AGPAT5: variants seen among roughly 807,000 people sequenced by gnomAD.
The protein encoded by AGPAT5 is 1-acyl-sn-glycerol-3-phosphate acyltransferase epsilon.
A neutral mutation model predicts 45.6 loss-of-function variants in AGPAT5; 46 were observed. The observed-to-expected ratio is 1.01, with a 90% CI of 0.80 to 1.29. The LOEUF is 1.29. AGPAT5 is among the 50% of genes most tolerant of loss of function. The pLI, the probability that AGPAT5 is intolerant of heterozygous loss-of-function variation, is 0.00. For synonymous variants in AGPAT5, 272 were observed against 167.0 expected (o/e 1.63, Z -4.85); for missense variants, 673 against 450.7 (o/e 1.49, Z -4.47).
At chr8:6,742,867 A>G (rs1292968151) in intron 5 of AGPAT5, among the ~76,000 whole-genome samples, 1 of 152,174 alleles carries the variant, frequency 6.6e-6, no homozygotes, top group East Asian at 1.9e-4. Context: ...CCCATCTGCC[A>G]GCTCTCTTTT....
At chr8:6,728,019 G>C (rs557884589) in intron 2 of AGPAT5, among the ~76,000 whole-genome samples, 29 of 152,312 alleles carry the variant, frequency 1.9e-4, no homozygotes, top group Middle Eastern at 3.4e-3. Context: ...CTCACCATTA[G>C]CATAGCGCTG....
chr8:6,746,075 C>CTTTCTTTCTGT (rs59172826), intron 5 of AGPAT5: 102,655 of 150,962 alleles, frequency 0.68, 35,712 homozygotes, highest in African/African-American at 0.81. Context: ...TTTCTTTCTG[C>CTTTCTTTCTGT]ATTCTTCTCC....
chr8:6,753,352 G>A (rs182324765), intron 6 of AGPAT5, among the ~76,000 whole-genome samples: 138 of 152,290 alleles, frequency 9.1e-4, no homozygotes, highest in Non-Finnish European at 1.7e-3. Context: ...GTGTTGACCA[G>A]GTGATTACTT....
intron 2 of AGPAT5, among the ~76,000 whole-genome samples, chr8:6,729,268 A>C (rs1310622545): frequency 6.6e-6 from 1 of 151,966 alleles, no homozygotes; most frequent in Non-Finnish European, 1.5e-5. Context: ...ATCATCTTGT[A>C]ATCTGTGGAA....
intron 5 of AGPAT5, among the ~76,000 whole-genome samples, chr8:6,746,731 T>C (rs1801480996): frequency 6.6e-6 from 1 of 152,230 alleles, no homozygotes; most frequent in Admixed American, 6.5e-5. Context: ...CACCATGTAA[T>C]AGCTGTTCTT....
At chr8:6,708,923 C>A in intron 1 of AGPAT5, 36 bp downstream of exon 1, 1 of 1,571,338 alleles carries the variant, frequency 6.4e-7, no homozygotes, top group Admixed American at 1.8e-5. Context: ...TCGGCGTCCA[C>A]CCGAGCTCCC....
intron 1 of AGPAT5, among the ~76,000 whole-genome samples, chr8:6,719,220 G>C (rs1029665210): frequency 5.3e-5 from 8 of 152,146 alleles, no homozygotes; most frequent in African/African-American, 1.9e-4. Context: ...CTTCCAACTA[G>C]AAAGAATTTT....
At chr8:6,756,731 G>A (rs1199092422) in intron 7 of AGPAT5, among the ~76,000 whole-genome samples, 1 of 152,046 alleles carries the variant, frequency 6.6e-6, no homozygotes, top group East Asian at 1.9e-4. Context: ...GGGTATCCTG[G>A]GACCAGCCCC....
At position 6,757,435 on chromosome 8, in the gene AGPAT5, T is replaced by C. The variant is rs1801883044; in HGVS notation, c.*47T>C. 1.3e-6 allele frequency: 2 copies of C among 1,496,116 alleles called. No individual in the cohort carries two copies. The highest frequency in any genetic ancestry group is 1.4e-5 in the African/African-American group (1 of 72,392). 92.7% of individuals were successfully genotyped at this position (1,496,116 alleles called of 1,614,324 possible). Reference sequence around the variant, plus strand: ...GTGGGATGTGCTACATTGTCTATTTTTGGCGGCTGCACATGACATCAAATT... The same window carrying C: ...GTGGGATGTGCTACATTGTCTATTTCTGGCGGCTGCACATGACATCAAATT... On this transcript the variant is annotated 3_prime_UTR_variant, in exon 8 of 8. Transcript: ENST00000285518.
chr8:6,748,148 A>G (rs138934691), intron 6 of AGPAT5, among the ~76,000 whole-genome samples: 47 of 152,336 alleles, frequency 3.1e-4, no homozygotes, highest in African/African-American at 1.1e-3. Flanking sequence ...GCCCGGCAGT[A>G]CTGAGTGCAC....
chr8:6,741,670 G>T lies in AGPAT5; in HGVS notation c.505G>T (p.Val169Leu). 1 of 1,604,748 alleles carries T rather than the reference G, an allele frequency of 6.2e-7. No homozygotes were observed. The highest frequency in any genetic ancestry group is 8.5e-7 in the Non-Finnish European group (1 of 1,176,504). The change falls in exon 5 of 8, where the codon GTG becomes TTG. Residue 169 changes from valine to leucine, a missense_variant. By Grantham distance (32) the Val-to-Leu change is conservative. Transcript: ENST00000285518. ...GCTCTATGTCCCACAGATGTATCTT[G>T]TGATTTTTCCAGAAGGTACAAGGTA... ...YVDAGTPMYL[V>L]IFPEGTRYNP...
rs2116981844 is a variant in AGPAT5 at position 6,760,430 on chromosome 8, A to G, written c.*3042A>G. Among the ~76,000 whole-genome samples the G allele has an allele frequency of 6.6e-6, 1 of 152,272 alleles. No homozygotes were observed. Among genetic ancestry groups the G allele is most frequent in the South Asian group, 2.1e-4 (1 of 4,828 alleles). The stretch of plus-strand genomic sequence containing the variant: ...ATGAAAAGGAAATATAGAAATATAA[A>G]ATTTGCTTATTATAGACACACAGTA... On this transcript the variant is annotated 3_prime_UTR_variant, in exon 8 of 8. Transcript: ENST00000285518.
chr8:6,709,101 T>A (rs1358523729), intron 1 of AGPAT5: 1 of 624,310 alleles, frequency 1.6e-6, no homozygotes, highest in Non-Finnish European at 2.9e-6. Flanking sequence ...GTCCTGAGGC[T>A]ACGAGTGGGA....
chr8:6,727,496 C>G (rs1459194147), intron 2 of AGPAT5, among the ~76,000 whole-genome samples: 2 of 152,242 alleles, frequency 1.3e-5, no homozygotes, highest in Non-Finnish European at 1.5e-5. Flanking sequence ...ATTTTCCTGC[C>G]TCAGCCTCCC....
In AGPAT5 at chr8:6,718,032, C is replaced by G. The variant is rs996601467; in HGVS notation, c.220-6838C>G. 8.5e-5 allele frequency among the ~76,000 whole-genome samples: 13 copies of G among 152,126 alleles called. 1 individual carries two copies. The highest frequency in any genetic ancestry group is 3.1e-4 in the African/African-American group (13 of 41,426). ...ACTTCTCAGTCTCAAGATTCTCGTC[C>G]TTAAATGGAATACTTTTTGTCATGC... On this transcript the variant is annotated intron_variant, in intron 1 of 7. Coordinates refer to ENST00000285518, the MANE Select transcript of AGPAT5 (RefSeq NM_018361.5).
chr8:6,758,670 TTAA>T lies in AGPAT5; in HGVS notation c.*1285_*1287del, dbSNP rs1233918933. The T allele has an allele frequency of 1.3e-5, 2 of 152,666 alleles. No homozygotes were observed. The highest frequency in any genetic ancestry group is 4.8e-5 in the African/African-American group (2 of 41,466). 9.5% of individuals were successfully genotyped at this position (152,666 alleles called of 1,614,324 possible). A position where few individuals can be genotyped will look rare whatever the true frequency, so the allele number is the denominator to read the frequency against. ...CCATTAGGTTTAGTGGAGCTACACA[TTAA>T]TATGTATCGCCTTAGAGCAAGAGCT... On this transcript the variant is annotated 3_prime_UTR_variant, in exon 8 of 8. Transcript: ENST00000285518.
intron 5 of AGPAT5, among the ~76,000 whole-genome samples, chr8:6,744,978 T>A (rs1801383999): frequency 6.6e-6 from 1 of 152,244 alleles, no homozygotes; most frequent in African/African-American, 2.4e-5. Flanking sequence ...GAGCCAAGTC[T>A]GTGTGGAGCA....
At chr8:6,716,521 G>A (rs1342738060) in intron 1 of AGPAT5, among the ~76,000 whole-genome samples, 2 of 151,862 alleles carry the variant, frequency 1.3e-5, no homozygotes, top group Non-Finnish European at 2.9e-5. Flanking sequence ...GACAGAGTGA[G>A]ACCCTGTCTC....
At chr8:6,715,735 A>T (rs28659886) in intron 1 of AGPAT5, among the ~76,000 whole-genome samples, 3,332 of 152,236 alleles carry the variant, frequency 0.022, 123 homozygotes, top group African/African-American at 0.076. Context: ...AATATAGGAT[A>T]ACACTGAAAT....
Sources: allele counts gnomAD v4.1 joint callset (sites outside exome capture counted in the v4.1 genomes callset), GRCh38; gene constraint gnomAD v4.1.1; transcripts MANE v1.5; gene names NCBI Gene and HGNC (gene_info 2026-07-23, HGNC 2026-07-21).